The following ARNT2 variants were observed in gnomAD, a reference collection of about 807,000 sequenced individuals.
The protein encoded by ARNT2 is aryl hydrocarbon receptor nuclear translocator 2, also known as ARNT protein 2.
In ARNT2, 36 loss-of-function variants were observed where a neutral mutation model predicts 91.7. That is an observed-to-expected ratio of 0.39 (90% confidence interval 0.30 to 0.52). The LOEUF (loss-of-function observed/expected upper bound fraction) is 0.52. Among genes scored for constraint, ARNT2 ranks in the 20% least tolerant of loss-of-function variants. The probability of loss-of-function intolerance (pLI) is 0.72; values close to 1 mark genes in which losing one functional copy is unlikely to be tolerated. For synonymous variants in ARNT2, 365 were observed against 347.1 expected (o/e 1.05, Z -0.57); for missense variants, 775 against 939.3 (o/e 0.83, Z 2.29).
chr15:80,534,577 G>A (rs1157737759), intron 8 of ARNT2, among the ~76,000 whole-genome samples: 1 of 152,064 alleles, frequency 6.6e-6, no homozygotes, highest in Non-Finnish European at 1.5e-5. Context: ...TTACTACATG[G>A]TCTTGTTTCT....
chr15:80,410,054 T>G (rs1895658712), intron 1 of ARNT2, among the ~76,000 whole-genome samples: 1 of 152,238 alleles, frequency 6.6e-6, no homozygotes, highest in Non-Finnish European at 1.5e-5. Context: ...GGGCATGATC[T>G]GACCTGCACT....
chr15:80,551,295 CT>C lies in ARNT2; in HGVS notation c.954+25del. ...CTCCAGGTAAGAAAAAATTCGTAGC[CT>C]TTTTAATCTTAAATGAAGGCTTATT... On this transcript the variant is annotated intron_variant, in intron 9 of 18. Coordinates refer to ENST00000303329, the MANE Select transcript of ARNT2 (RefSeq NM_014862.4). 1 of 1,604,116 alleles carries C rather than the reference CT, an allele frequency of 6.2e-7. No homozygotes were observed. Among genetic ancestry groups the C allele is most frequent in the Non-Finnish European group, 8.5e-7 (1 of 1,171,264 alleles).
chr15:80,497,284 C>T (rs1951866961), intron 5 of ARNT2, among the ~76,000 whole-genome samples: 1 of 152,232 alleles, frequency 6.6e-6, no homozygotes, highest in Non-Finnish European at 1.5e-5. Context: ...GTATCTGGCT[C>T]ATGACAGATG....
At chr15:80,519,002 G>A (rs544942915) in intron 8 of ARNT2, among the ~76,000 whole-genome samples, 6 of 152,162 alleles carry the variant, frequency 3.9e-5, no homozygotes, top group African/African-American at 1.4e-4. Context: ...GAAAGTGTGG[G>A]GGCCCATTTT....
At chr15:80,468,577 G>A (rs1896690247) in intron 3 of ARNT2, among the ~76,000 whole-genome samples, 1 of 151,994 alleles carries the variant, frequency 6.6e-6, no homozygotes, top group African/African-American at 2.4e-5. Flanking sequence ...GTTAGGCCCA[G>A]CTCTCTCCCA....
At chr15:80,505,924 G>GTT (rs1486880107) in intron 5 of ARNT2, among the ~76,000 whole-genome samples, 4 of 71,198 alleles carry the variant, frequency 5.6e-5, no homozygotes, top group African/African-American at 2.6e-4. Flanking sequence ...CCCAACATTT[G>GTT]TTGTTTTTTT....
intron 17 of ARNT2, among the ~76,000 whole-genome samples, chr15:80,588,817 G>A (rs999907024): frequency 8.5e-5 from 13 of 152,232 alleles, no homozygotes; most frequent in South Asian, 2.1e-4. Context: ...CCTCGTAAGC[G>A]TTTTTATTCT....
At chr15:80,505,532 TATTA>T (rs1167551320) in intron 5 of ARNT2, among the ~76,000 whole-genome samples, 1 of 152,270 alleles carries the variant, frequency 6.6e-6, no homozygotes, top group African/African-American at 2.4e-5. Context: ...CACTTTGTAA[TATTA>T]ATTCATTTAA....
chr15:80,524,130 T>C (rs1184852860), intron 8 of ARNT2, among the ~76,000 whole-genome samples: 1 of 152,192 alleles, frequency 6.6e-6, no homozygotes, highest in Non-Finnish European at 1.5e-5. Flanking sequence ...AAAAAATGTG[T>C]ATACAGAGAC....
chr15:80,504,230 T>C (rs767607567), intron 5 of ARNT2, among the ~76,000 whole-genome samples: 138 of 152,360 alleles, frequency 9.1e-4, no homozygotes, highest in Non-Finnish European at 1.6e-3. Context: ...TTTCTCACTC[T>C]TCCTGGCTTT....
chr15:80,448,601 C>A (rs914346848), intron 1 of ARNT2, among the ~76,000 whole-genome samples: 2 of 152,182 alleles, frequency 1.3e-5, no homozygotes, highest in African/African-American at 2.4e-5. Flanking sequence ...GGGATGACAA[C>A]ATTTCTAGGA....
At chr15:80,528,427 A>T (rs1186830821) in intron 8 of ARNT2, among the ~76,000 whole-genome samples, 1 of 151,844 alleles carries the variant, frequency 6.6e-6, no homozygotes, top group Non-Finnish European at 1.5e-5. Context: ...TCATCTATCT[A>T]TCCATCATCT....
chr15:80,573,395 G>C (rs1898617188), intron 12 of ARNT2, among the ~76,000 whole-genome samples: 1 of 152,048 alleles, frequency 6.6e-6, no homozygotes, highest in Admixed American at 6.6e-5. Flanking sequence ...GCTGGGCTGG[G>C]AGTAATGTCT....
intron 10 of ARNT2, among the ~76,000 whole-genome samples, chr15:80,554,441 A>G (rs1898140446): frequency 6.6e-6 from 1 of 152,214 alleles, no homozygotes; most frequent in Non-Finnish European, 1.5e-5. Context: ...AAATTTTAAA[A>G]AATACACTTT....
chr15:80,509,131 C>T (rs11858186), intron 6 of ARNT2, among the ~76,000 whole-genome samples: 77,135 of 151,938 alleles, frequency 0.51, 21,061 homozygotes, highest in African/African-American at 0.69. Flanking sequence ...TCAAGGTGCC[C>T]GGGAGTCAAT....
At chr15:80,449,760 C>T (rs1383013484) in intron 1 of ARNT2, among the ~76,000 whole-genome samples, 1 of 152,194 alleles carries the variant, frequency 6.6e-6, no homozygotes, top group Admixed American at 6.5e-5. Flanking sequence ...TCACAGGACT[C>T]CCTGAGTTCT....
intron 1 of ARNT2, among the ~76,000 whole-genome samples, chr15:80,442,093 C>A (rs1027637295): frequency 1.3e-5 from 2 of 152,180 alleles, no homozygotes; most frequent in Admixed American, 6.5e-5. Flanking sequence ...GAATAACTCT[C>A]GATCTGTAGG....
chr15:80,454,158 A>AATC (rs1429283900), intron 2 of ARNT2, among the ~76,000 whole-genome samples: 2 of 152,104 alleles, frequency 1.3e-5, no homozygotes, highest in Non-Finnish European at 2.9e-5. Context: ...TTCAAAAGTG[A>AATC]TTCCACATGC....
chr15:80,555,001 A>C, intron 10 of ARNT2, 64 bp from the exon 11 acceptor site: 1 of 1,474,654 alleles, frequency 6.8e-7, no homozygotes, highest in Admixed American at 1.7e-5. Context: ...CTGTTGTATC[A>C]CAGTGAGTAT....
Sources: allele counts gnomAD v4.1 joint callset (sites outside exome capture counted in the v4.1 genomes callset), GRCh38; gene constraint gnomAD v4.1.1; transcripts MANE v1.5; gene names NCBI Gene and HGNC (gene_info 2026-07-23, HGNC 2026-07-21).